Variants in NLGN1 observed in about 807,000 individuals in gnomAD.
The protein encoded by NLGN1 is neuroligin-1.
In NLGN1, 12 loss-of-function variants were observed where a neutral mutation model predicts 65.5. The ratio of observed to expected loss-of-function variants is 0.18; its 90% CI spans 0.12 to 0.30. NLGN1 has a LOEUF of 0.30. Among genes scored for constraint, NLGN1 ranks in the 10% least tolerant of loss-of-function variants. The pLI is 1.00. For missense variants in NLGN1, 750 were observed against 1,007.1 expected, an observed-to-expected ratio of 0.74 and a Z score of 3.46; for synonymous variants, 350 against 359.5, an observed-to-expected ratio of 0.97 and a Z score of 0.30.
chr3:173,421,198 C>T (rs1235190244), intron 1 of NLGN1, among the ~76,000 whole-genome samples: 1 of 151,872 alleles, frequency 6.6e-6, no homozygotes, highest in Non-Finnish European at 1.5e-5. Context: ...TTATTATATA[C>T]TTTTTATTTT....
chr3:173,411,682 T>G (rs1231516729), intron 1 of NLGN1, among the ~76,000 whole-genome samples: 1 of 152,152 alleles, frequency 6.6e-6, no homozygotes, highest in Non-Finnish European at 1.5e-5. Context: ...ATATTAAGCA[T>G]CTATTCCTAC....
chr3:174,277,452 A>G (rs1750793505), intron 5 of NLGN1, among the ~76,000 whole-genome samples: 1 of 151,934 alleles, frequency 6.6e-6, no homozygotes, highest in Admixed American at 6.6e-5. Flanking sequence ...CTTTTTCGGT[A>G]TATTTAGTTA....
chr3:173,412,228 G>A (rs1260693058), intron 1 of NLGN1, among the ~76,000 whole-genome samples: 1 of 151,912 alleles, frequency 6.6e-6, no homozygotes, highest in Non-Finnish European at 1.5e-5. Flanking sequence ...TGTTAATGAT[G>A]CTACCAAAAA....
the NLGN1 span, among the ~76,000 whole-genome samples, chr3:174,291,803 A>T: frequency 6.6e-6 from 1 of 151,320 alleles, no homozygotes; most frequent in East Asian, 1.9e-4. Context: ...AGGACTGATA[A>T]TGGGCACTAA....
chr3:173,415,943 A>AGCGAGCGAGC (rs1553844364), intron 1 of NLGN1, among the ~76,000 whole-genome samples: 1,824 of 142,730 alleles, frequency 0.013, 20 homozygotes, highest in Non-Finnish European at 0.018. Context: ...AGAGAGAGAG[A>AGCGAGCGAGC]GCTTGGTATA....
chr3:174,227,571 A>G (rs1739949427), intron 4 of NLGN1, among the ~76,000 whole-genome samples: 1 of 152,084 alleles, frequency 6.6e-6, no homozygotes, highest in Non-Finnish European at 1.5e-5. Context: ...GGAAAGTTAT[A>G]TTTTTAGGTA....
At chr3:173,461,317 G>A (rs189470454) in intron 2 of NLGN1, among the ~76,000 whole-genome samples, 1 of 152,150 alleles carries the variant, frequency 6.6e-6, no homozygotes, top group East Asian at 1.9e-4. Flanking sequence ...TAGGAAAAAT[G>A]TAGGGTCCTG....
intron 4 of NLGN1, among the ~76,000 whole-genome samples, chr3:174,170,979 A>T (rs1030459855): frequency 6.6e-6 from 1 of 152,200 alleles, no homozygotes; most frequent in African/African-American, 2.4e-5. Context: ...GAAAATTTAC[A>T]TTCATGTCAA....
intron 3 of NLGN1, among the ~76,000 whole-genome samples, chr3:173,617,416 A>G (rs6785556): frequency 0.043 from 6,504 of 152,302 alleles, 311 homozygotes; most frequent in Admixed American, 0.1. Flanking sequence ...TTAAGAAACA[A>G]TGCAATTTGT....
At chr3:173,531,649 C>T (rs1736592688) in intron 2 of NLGN1, among the ~76,000 whole-genome samples, 1 of 151,760 alleles carries the variant, frequency 6.6e-6, no homozygotes. Context: ...TCCAGCTAAA[C>T]TTTCAACTAC....
intron 4 of NLGN1, among the ~76,000 whole-genome samples, chr3:174,272,708 T>G (rs867178979): frequency 1.6e-4 from 23 of 143,452 alleles, no homozygotes; most frequent in South Asian, 2.3e-4. Flanking sequence ...GATAGATAGA[T>G]ATAGATAGAT....
upstream of NLGN1, chr3:173,398,440 A>G (rs1668749361): frequency 6.6e-6 from 1 of 152,200 alleles, no homozygotes; most frequent in South Asian, 2.1e-4. Flanking sequence ...TATTCCAAAC[A>G]TTTAAACCGT....
intron 4 of NLGN1, among the ~76,000 whole-genome samples, chr3:174,003,102 A>G (rs949618839): frequency 6.6e-6 from 1 of 152,180 alleles, no homozygotes; most frequent in African/African-American, 2.4e-5. Context: ...ATCTTTGTTC[A>G]GAGAGAATCT....
chr3:174,055,551 G>A (rs1735869349), intron 4 of NLGN1, among the ~76,000 whole-genome samples: 1 of 151,986 alleles, frequency 6.6e-6, no homozygotes, highest in South Asian at 2.1e-4. Context: ...TTAACTTGTG[G>A]GATGTGTGAA....
chr3:173,717,356 T>C (rs1770028105), intron 3 of NLGN1, among the ~76,000 whole-genome samples: 1 of 152,184 alleles, frequency 6.6e-6, no homozygotes, highest in African/African-American at 2.4e-5. Context: ...ATTGACTTGG[T>C]GCATGTCCAT....
At chr3:174,099,831 T>C (rs1378474780) in intron 4 of NLGN1, among the ~76,000 whole-genome samples, 2 of 152,176 alleles carry the variant, frequency 1.3e-5, no homozygotes, top group African/African-American at 2.4e-5. Flanking sequence ...AGATAAACTG[T>C]GAAAATACCT....
intron 3 of NLGN1, among the ~76,000 whole-genome samples, chr3:173,643,782 C>T (rs1441205591): frequency 1.3e-5 from 2 of 152,158 alleles, no homozygotes; most frequent in Non-Finnish European, 2.9e-5. Flanking sequence ...TTATGCTGCC[C>T]AGGCTGGTTT....
Position 173,944,545 on chromosome 3 carries a change from A to G in NLGN1, c.646+136713A>G, listed in dbSNP as rs540128697. 2.0e-5 allele frequency among the ~76,000 whole-genome samples: 3 copies of G among 152,246 alleles called. No individual in the cohort carries two copies. The South Asian group carries it at 6.2e-4, about 32-fold the overall frequency. The stretch of plus-strand genomic sequence containing the variant: ...TCCTAAACCTAGGATGTTTGCCACC[A>G]AGGGTATAGTCTGACTGGCAAGGCT... On this transcript the variant is annotated intron_variant, in intron 4 of 6. Coordinates refer to ENST00000457714, the Ensembl canonical transcript of NLGN1.
intron 1 of NLGN1, among the ~76,000 whole-genome samples, chr3:173,420,735 ATTC>A (rs571523194): frequency 6.6e-5 from 10 of 152,098 alleles, no homozygotes; most frequent in Non-Finnish European, 1.0e-4. Context: ...GCCCAAGACA[ATTC>A]TTCTTCTTCC....
Sources: allele counts gnomAD v4.1 joint callset (sites outside exome capture counted in the v4.1 genomes callset), GRCh38; gene constraint gnomAD v4.1.1; transcripts MANE v1.5; gene names NCBI Gene and HGNC (gene_info 2026-07-23, HGNC 2026-07-21).